The following PDLIM3 variants were observed in gnomAD, a reference collection of about 807,000 sequenced individuals.
PDLIM3 encodes PDZ and LIM domain 3.
PDLIM3 carries 36 observed loss-of-function variants against 37.3 expected under a neutral mutation model. That is an observed-to-expected ratio of 0.97 (90% confidence interval 0.74 to 1.28). The LOEUF (loss-of-function observed/expected upper bound fraction) is 1.28. Among genes scored for constraint, PDLIM3 ranks in the 50% most tolerant of loss-of-function variants. The probability of loss-of-function intolerance (pLI) is 0.00; values close to 1 mark genes in which losing one functional copy is unlikely to be tolerated. For synonymous variants in PDLIM3, 174 were observed against 182.4 expected, an observed-to-expected ratio of 0.95 and a Z score of 0.37; for missense variants, 454 against 485.0, an observed-to-expected ratio of 0.94 and a Z score of 0.60.
chr4:185,533,720 G>C (rs530596499), intron 1 of PDLIM3, among the ~76,000 whole-genome samples: 1 of 152,112 alleles, frequency 6.6e-6, no homozygotes, highest in Non-Finnish European at 1.5e-5. Context: ...TGGAATGTAA[G>C]TACTGCTTTA....
In PDLIM3 at chr4:185,525,079, A is replaced by G. The variant is rs2153338236; in HGVS notation, c.186T>C (p.His62=). Reference sequence around the variant, plus strand: ...CTTTAATCCTGTCCTGCGCATCAGCATGAGTCATGGACTCTGTCCCAAAGC... The same window carrying G: ...CTTTAATCCTGTCCTGCGCATCAGCGTGAGTCATGGACTCTGTCCCAAAGC... ...IDGFGTESMT[H]ADAQDRIKAA... The change falls in exon 2 of 8, where the codon CAT becomes CAC. Residue 62 remains histidine (H), a synonymous_variant. Coordinates refer to ENST00000284767, the MANE Select transcript of PDLIM3 (RefSeq NM_014476.6). The G allele has an allele frequency of 2.5e-6, 4 of 1,614,174 alleles. No homozygotes were observed. The highest frequency in any genetic ancestry group is 1.7e-5 in the Admixed American group (1 of 60,020).
At chr4:185,517,526 A>C (rs1293882158) in intron 3 of PDLIM3, 1 of 151,830 alleles carries the variant, frequency 6.6e-6, no homozygotes, top group Non-Finnish European at 1.5e-5. Context: ...TTGTCCTGTA[A>C]ATAAGGCAAC....
At chr4:185,519,842 C>T (rs2095720583) in intron 3 of PDLIM3, among the ~76,000 whole-genome samples, 1 of 152,136 alleles carries the variant, frequency 6.6e-6, no homozygotes, top group South Asian at 2.1e-4. Flanking sequence ...GAAACAAAAA[C>T]TCAAATTTCA....
At chr4:185,518,713 G>T (rs956706004) in intron 3 of PDLIM3, among the ~76,000 whole-genome samples, 11 of 152,094 alleles carry the variant, frequency 7.2e-5, no homozygotes. Flanking sequence ...ATCTCTCACT[G>T]GGAAGAGCTT....
chr4:185,513,742 A>G (rs1453359200), intron 4 of PDLIM3: 2 of 1,022,734 alleles, frequency 2.0e-6, no homozygotes, highest in South Asian at 7.8e-5. Context: ...TTGGCAATAC[A>G]GGGCATTATT....
intron 5 of PDLIM3, 60 bp downstream of exon 5, chr4:185,508,239 A>C (rs563410634): frequency 6.6e-7 from 1 of 1,513,080 alleles, no homozygotes; most frequent in East Asian, 2.3e-5. Flanking sequence ...GACACCAGTA[A>C]AGCTGACATT....
chr4:185,504,862 T>C lies in PDLIM3; in HGVS notation c.794-276A>G, dbSNP rs555583875. Among the ~76,000 whole-genome samples, 4 of 152,198 alleles carry C rather than the reference T, an allele frequency of 2.6e-5. No homozygotes were observed. The highest frequency in any genetic ancestry group is 4.4e-5 in the Non-Finnish European group (3 of 68,036). On this transcript the variant is annotated intron_variant, in intron 6 of 7. Coordinates refer to ENST00000284767, the MANE Select transcript of PDLIM3 (RefSeq NM_014476.6). The surrounding 1 kb of genome is among the most constrained non-coding windows in gnomAD (Gnocchi z 4.7). ...TATTATTTTTTATTGTAGCAAAATA[T>C]ACATAAAATTTACCATTTTCACCAT...
At position 185,502,288 on chromosome 4, in the gene PDLIM3, A is replaced by G. The variant is rs375486713; in HGVS notation, c.*6T>C. ...GTGCGTGCGTGCGTGCCACGCCTGC[A>G]GAGACTTAAGCTTTGGGATACAGAG... On this transcript the variant is annotated 3_prime_UTR_variant, in exon 8 of 8. Coordinates refer to ENST00000284767, the MANE Select transcript of PDLIM3 (RefSeq NM_014476.6). 4.6e-5 allele frequency: 74 copies of G among 1,614,024 alleles called. No individual in the cohort carries two copies. Among genetic ancestry groups the G allele is most frequent in the Non-Finnish European group, 6.0e-5 (71 of 1,179,882 alleles).
intron 7 of PDLIM3, among the ~76,000 whole-genome samples, chr4:185,503,986 T>C (rs1299867040): frequency 6.6e-6 from 1 of 152,144 alleles, no homozygotes; most frequent in African/African-American, 2.4e-5. Context: ...AAGCTGACAG[T>C]TTTTCAATAT....
At chr4:185,506,760 T>G (rs2095698278) in intron 5 of PDLIM3, 108 bp from the exon 6 acceptor site, 2 of 948,272 alleles carry the variant, frequency 2.1e-6, no homozygotes, top group African/African-American at 3.2e-5. Context: ...CAGCCACTCC[T>G]GAACAGAGGT....
intron 7 of PDLIM3, 93 bp from the exon 8 acceptor site, chr4:185,502,576 T>G: frequency 1.7e-6 from 2 of 1,182,228 alleles, no homozygotes; most frequent in Non-Finnish European, 2.5e-6. Context: ...AGATGTTCTC[T>G]ATTTCACAGT....
At chr4:185,507,976 A>G (rs2095700549) in intron 5 of PDLIM3, among the ~76,000 whole-genome samples, 1 of 152,116 alleles carries the variant, frequency 6.6e-6, no homozygotes, top group East Asian at 1.9e-4. Flanking sequence ...TGTAAAGTAC[A>G]TTGTAGCTTT....
intron 3 of PDLIM3, chr4:185,517,692 C>A (rs924420972): frequency 6.6e-6 from 1 of 150,804 alleles, no homozygotes; most frequent in Non-Finnish European, 1.5e-5. Flanking sequence ...AAAAAAAAAA[C>A]CAACAACCTC....
intron 7 of PDLIM3, among the ~76,000 whole-genome samples, chr4:185,503,353 G>T (rs923917149): frequency 6.6e-6 from 1 of 152,244 alleles, no homozygotes; most frequent in Non-Finnish European, 1.5e-5. Flanking sequence ...TAGGCACAAT[G>T]ATTGCTTCTG....
At chr4:185,511,154 C>A (rs890574474) in intron 4 of PDLIM3, among the ~76,000 whole-genome samples, 3 of 152,204 alleles carry the variant, frequency 2.0e-5, no homozygotes, top group African/African-American at 7.2e-5. Context: ...TGTCCAAAAA[C>A]CACTCATAGG....
At chr4:185,513,800 AAGGATGATCTG>A (rs2095710379) in intron 4 of PDLIM3, 2 of 1,034,630 alleles carry the variant, frequency 1.9e-6, no homozygotes, top group African/African-American at 3.4e-5. Context: ...GATATTTGAA[AAGGATGATCTG>A]AAGATGATCA....
In PDLIM3 at chr4:185,514,471, G is replaced by A. The variant is rs2153335554; in HGVS notation, c.331-134C>T. 6.5e-7 allele frequency: 1 copy of A among 1,546,034 alleles called. No homozygotes were observed. Among genetic ancestry groups the A allele is most frequent in the Non-Finnish European group, 8.8e-7 (1 of 1,132,834 alleles). The stretch of plus-strand genomic sequence containing the variant: ...GTCATAACTAAGAAAGGCGATGACG[G>A]GACCAGGACGATGTCTTCTTTCCAA... On this transcript the variant is annotated intron_variant, in intron 3 of 7. Coordinates refer to ENST00000284767, the MANE Select transcript of PDLIM3 (RefSeq NM_014476.6). This position sits in a 1 kb window ranked among gnomAD's most constrained non-coding sequence, Gnocchi z 4.0.
intron 3 of PDLIM3, among the ~76,000 whole-genome samples, chr4:185,518,577 G>C (rs1042986783): frequency 3.9e-5 from 6 of 152,096 alleles, no homozygotes; most frequent in Admixed American, 2.6e-4. Flanking sequence ...AAGGCATGAT[G>C]AAGAAATTAT....
chr4:185,508,325 T>C lies in PDLIM3; in HGVS notation c.636A>G (p.Thr212=). The C allele has an allele frequency of 6.2e-7, 1 of 1,614,162 alleles. No individual in the cohort carries two copies. Among genetic ancestry groups the C allele is most frequent in the Admixed American group, 1.7e-5 (1 of 60,020 alleles). ...IMETLQGQVS[T]ALGETPLMSE... ...TCATCAAAGGTGTTTCCCCTAGGGC[T>C]GTTGAAACCTGACCCTGGAGTGTTT... is the stretch of plus-strand genomic sequence containing the variant. The change falls in exon 5 of 8, where the codon ACA becomes ACG. Residue 212 remains threonine (T), a synonymous_variant. Transcript: ENST00000284767.
Sources: allele counts gnomAD v4.1 joint callset (sites outside exome capture counted in the v4.1 genomes callset), GRCh38; gene constraint gnomAD v4.1.1; non-coding constraint Gnocchi (gnomAD v3.1); transcripts MANE v1.5; gene names NCBI Gene and HGNC (gene_info 2026-07-23, HGNC 2026-07-21).